The following RBFOX1 variants were observed in gnomAD, a reference collection of about 807,000 sequenced individuals.
RBFOX1 encodes the protein RNA binding protein fox-1 homolog 1.
A neutral mutation model predicts 57.7 loss-of-function variants in RBFOX1; 8 were observed. The ratio of observed to expected loss-of-function variants is 0.14; its 90% CI spans 0.08 to 0.25. RBFOX1 has a LOEUF of 0.25. Ranked by LOEUF, RBFOX1 falls within the 10% of genes least tolerant of loss-of-function variation. RBFOX1 has a pLI of 1.00. For missense variants in RBFOX1, 611 were observed against 548.5 expected, an observed-to-expected ratio of 1.11 and a Z score of -1.14; for synonymous variants, 326 against 222.4, an observed-to-expected ratio of 1.47 and a Z score of -4.15.
At chr16:6,233,952 C>G (rs536429413) in intron 1 of RBFOX1, among the ~76,000 whole-genome samples, 3 of 152,264 alleles carry the variant, frequency 2.0e-5, no homozygotes, top group Admixed American at 6.5e-5. Context: ...ATCACAGTTT[C>G]AGAAGCTGGG....
chr16:7,709,654 TTTGTGTGTGTACCTAG>T, intron 15 of RBFOX1: 6 of 1,522,930 alleles, frequency 3.9e-6, no homozygotes, highest in Non-Finnish European at 5.3e-6. Flanking sequence ...AGGGGCACAC[TTTGTGTGTGTACCTAG>T]TACATAAGAA....
chr16:5,954,820 T>A (rs997006699), intron 4 of RBFOX1, among the ~76,000 whole-genome samples: 5 of 152,164 alleles, frequency 3.3e-5, no homozygotes, highest in African/African-American at 1.2e-4. Flanking sequence ...TTAGCCAATA[T>A]TTCTAGGATG....
At chr16:6,846,473 G>C (rs1455245557) in intron 3 of RBFOX1, among the ~76,000 whole-genome samples, 1 of 152,184 alleles carries the variant, frequency 6.6e-6, no homozygotes. Context: ...GGGTCATAAT[G>C]AGGGAGAGAA....
At position 6,922,582 on chromosome 16, in the gene RBFOX1, G is replaced by A. The variant is rs183491793; in HGVS notation, c.-15-129475G>A. Among the ~76,000 whole-genome samples the A allele has an allele frequency of 1.5e-3, 223 of 152,246 alleles. 1 individual carries two copies. The highest frequency in any genetic ancestry group is 2.4e-3 in the Admixed American group (36 of 15,300). On this transcript the variant is annotated intron_variant, in intron 3 of 15. Transcript: ENST00000550418. Reference sequence around the variant, plus strand: ...GAGACAGTTGGCTTTTTTCGTGTGTGTGGAATAAATGAACATGTGATTCTT... The same window carrying A: ...GAGACAGTTGGCTTTTTTCGTGTGTATGGAATAAATGAACATGTGATTCTT...
chr16:7,685,636 A>G (rs1359878269), intron 14 of RBFOX1, among the ~76,000 whole-genome samples: 2 of 152,114 alleles, frequency 1.3e-5, no homozygotes, highest in Admixed American at 1.3e-4. Flanking sequence ...TCAGATTGAC[A>G]TATTTTGGAA....
At chr16:6,912,788 A>AT (rs113434905) in intron 3 of RBFOX1, among the ~76,000 whole-genome samples, 32 of 148,114 alleles carry the variant, frequency 2.2e-4, no homozygotes, top group Non-Finnish European at 3.0e-4. Flanking sequence ...TGCCCGCCTA[A>AT]TTTTTTTTTT....
At chr16:5,537,864 CA>C (rs1434602639) in intron 2 of RBFOX1, among the ~76,000 whole-genome samples, 1 of 152,206 alleles carries the variant, frequency 6.6e-6, no homozygotes, top group Non-Finnish European at 1.5e-5. Context: ...TGTTTTGCCA[CA>C]TAAGGTAACA....
At chr16:5,554,447 A>C (rs2045592968) in intron 2 of RBFOX1, among the ~76,000 whole-genome samples, 1 of 152,226 alleles carries the variant, frequency 6.6e-6, no homozygotes, top group African/African-American at 2.4e-5. Flanking sequence ...CTAAAACATT[A>C]AAAAGTATCT....
chr16:7,400,756 T>A (rs2098227985), intron 4 of RBFOX1, among the ~76,000 whole-genome samples: 1 of 152,148 alleles, frequency 6.6e-6, no homozygotes. Flanking sequence ...AGTAATCCAG[T>A]CAATTAAAAA....
At chr16:5,909,927 C>G (rs952066748) in intron 4 of RBFOX1, among the ~76,000 whole-genome samples, 1 of 151,990 alleles carries the variant, frequency 6.6e-6, no homozygotes, top group East Asian at 1.9e-4. Flanking sequence ...GTGGCAGGCA[C>G]CTGTAATCCC....
intron 2 of RBFOX1, among the ~76,000 whole-genome samples, chr16:6,448,156 C>CTTTCTTTTTTTTTTTT (rs2094523593): frequency 3.8e-5 from 3 of 78,460 alleles, no homozygotes; most frequent in African/African-American, 1.7e-4. Context: ...TCTTTTCTTT[C>CTTTCTTTTTTTTTTTT]TTTTTTTTTT....
intron 4 of RBFOX1, among the ~76,000 whole-genome samples, chr16:7,266,911 G>A (rs548566419): frequency 3.7e-4 from 56 of 152,066 alleles, no homozygotes; most frequent in Non-Finnish European, 7.4e-4. Context: ...ACTCCTGGAG[G>A]TTGCTGGGGG....
At chr16:7,270,135 T>G (rs530268715) in intron 4 of RBFOX1, among the ~76,000 whole-genome samples, 57 of 152,340 alleles carry the variant, frequency 3.7e-4, no homozygotes, top group Middle Eastern at 3.4e-3. Flanking sequence ...GGAGCTAAGA[T>G]GGGAACCCAG....
At chr16:6,952,035 G>A (rs1334467407) in intron 3 of RBFOX1, among the ~76,000 whole-genome samples, 1 of 152,120 alleles carries the variant, frequency 6.6e-6, no homozygotes, top group Non-Finnish European at 1.5e-5. Flanking sequence ...GGCCACTGTT[G>A]AAAAAAGTGG....
intron 1 of RBFOX1, among the ~76,000 whole-genome samples, chr16:6,101,871 G>A (rs2096313662): frequency 6.6e-6 from 1 of 152,170 alleles, no homozygotes; most frequent in African/African-American, 2.4e-5. Flanking sequence ...GTGGGAATCT[G>A]TGGGGCCAGA....
At chr16:7,001,278 T>C (rs936216965) in intron 3 of RBFOX1, among the ~76,000 whole-genome samples, 4 of 152,084 alleles carry the variant, frequency 2.6e-5, no homozygotes, top group Non-Finnish European at 5.9e-5. Context: ...ATGGAGAGAT[T>C]CCTTGCTTTG....
chr16:7,697,230 AG>A (rs2079080565), intron 14 of RBFOX1, among the ~76,000 whole-genome samples: 1 of 152,096 alleles, frequency 6.6e-6, no homozygotes, highest in Non-Finnish European at 1.5e-5. Flanking sequence ...GCTGTGGGTG[AG>A]AAGTGGTCAT....
At chr16:7,503,389 C>G (rs565867345) in intron 4 of RBFOX1, among the ~76,000 whole-genome samples, 10 of 152,294 alleles carry the variant, frequency 6.6e-5, no homozygotes, top group Non-Finnish European at 1.5e-4. Flanking sequence ...TAGAAGCAGG[C>G]AGAGAATACT....
At chr16:7,708,302 A>G (rs1319520890) in intron 14 of RBFOX1, among the ~76,000 whole-genome samples, 1 of 152,176 alleles carries the variant, frequency 6.6e-6, no homozygotes, top group Non-Finnish European at 1.5e-5. Context: ...TTTGGTTTCC[A>G]TCTCTTCTCC....
Sources: allele counts gnomAD v4.1 joint callset (sites outside exome capture counted in the v4.1 genomes callset), GRCh38; gene constraint gnomAD v4.1.1; transcripts MANE v1.5; gene names NCBI Gene and HGNC (gene_info 2026-07-23, HGNC 2026-07-21).